POU2F3: variants seen among roughly 807,000 people sequenced by gnomAD.
POU2F3 encodes the protein POU domain, class 2, transcription factor 3.
Under a neutral mutation model 59.2 loss-of-function variants are expected in POU2F3, and 23 were observed. That is an observed-to-expected ratio of 0.39 (90% CI 0.28 to 0.55). The LOEUF (loss-of-function observed/expected upper bound fraction) is 0.55, where lower values mean the gene tolerates loss of function less well. Ranked by LOEUF, POU2F3 falls within the 20% of genes least tolerant of loss-of-function variation. The pLI is 0.66. For missense variants in POU2F3, 473 were observed against 544.5 expected, an observed-to-expected ratio of 0.87 and a Z score of 1.31; for synonymous variants, 190 against 214.6, an observed-to-expected ratio of 0.89 and a Z score of 1.00.
rs552542412 is a variant in POU2F3 at position 120,289,824 on chromosome 11, C to T, written c.133-8441C>T. Among the ~76,000 whole-genome samples the T allele has an allele frequency of 1.2e-4, 19 of 152,304 alleles. No homozygotes were observed. The South Asian group carries it at 2.7e-3, about 22-fold the overall frequency. On this transcript the variant is annotated intron_variant, in intron 3 of 12. Transcript: ENST00000543440. ...CTAGCTATTCTCCTCCCTGACAAAGCGAATGGCAGCCTTTTCTTTGCCACC... is the reference window on the plus strand; with the variant it reads ...CTAGCTATTCTCCTCCCTGACAAAGTGAATGGCAGCCTTTTCTTTGCCACC...
intron 3 of POU2F3, among the ~76,000 whole-genome samples, chr11:120,284,141 G>A (rs1443076432): frequency 6.6e-6 from 1 of 151,848 alleles, no homozygotes; most frequent in Non-Finnish European, 1.5e-5. Context: ...ATCTCACCAT[G>A]GCACTCCAGT....
intron 6 of POU2F3, chr11:120,304,330 C>CAAAAAAAAAAAAA (rs768088081): frequency 5.0e-5 from 6 of 120,494 alleles, no homozygotes; most frequent in East Asian, 3.0e-4. Context: ...GATCCTGATT[C>CAAAAAAAAAAAAA]AAAAAAAAAA....
chr11:120,282,616 A>C (rs1940616313), intron 3 of POU2F3, among the ~76,000 whole-genome samples: 1 of 152,192 alleles, frequency 6.6e-6, no homozygotes, highest in Admixed American at 6.5e-5. Context: ...AGATAGCACC[A>C]CTGCACTCCA....
At chr11:120,271,368 A>C (rs1940063216) in intron 3 of POU2F3, among the ~76,000 whole-genome samples, 1 of 152,254 alleles carries the variant, frequency 6.6e-6, no homozygotes, top group African/African-American at 2.4e-5. Context: ...GGTTTGCTTC[A>C]AGGGCAGGAA....
At chr11:120,275,908 C>T (rs1160773456) in intron 3 of POU2F3, among the ~76,000 whole-genome samples, 1 of 152,208 alleles carries the variant, frequency 6.6e-6, no homozygotes, top group Non-Finnish European at 1.5e-5. Flanking sequence ...TGTGACCAAC[C>T]AACTACCACG....
Position 120,285,678 on chromosome 11 carries a change from G to T in POU2F3, c.133-12587G>T, listed in dbSNP as rs1455107051. ...CCTTTTATCAGGGTAGCGTATATAT[G>T]TCTGGAAGACTTTTTCTCTGGATAT... On this transcript the variant is annotated intron_variant, in intron 3 of 12. Coordinates refer to ENST00000543440, the MANE Select transcript of POU2F3 (RefSeq NM_014352.4). This position sits in a 1 kb window ranked among gnomAD's most constrained non-coding sequence, Gnocchi z 4.3. 6.6e-6 allele frequency among the ~76,000 whole-genome samples: 1 copy of T among 152,192 alleles called. No individual in the cohort carries two copies. The highest frequency in any genetic ancestry group is 2.4e-5 in the African/African-American group (1 of 41,438).
chr11:120,279,221 C>T (rs1029882535), intron 3 of POU2F3, among the ~76,000 whole-genome samples: 1 of 151,714 alleles, frequency 6.6e-6, no homozygotes, highest in Admixed American at 6.6e-5. Flanking sequence ...GGGAGGAGGC[C>T]GTGTGATATG....
chr11:120,299,798 G>T, intron 5 of POU2F3, 72 bp downstream of exon 5: 3 of 1,341,690 alleles, frequency 2.2e-6, no homozygotes, highest in Non-Finnish European at 2.1e-6. Flanking sequence ...TTTTTGCTGG[G>T]TGAGGGGGCC....
intron 3 of POU2F3, among the ~76,000 whole-genome samples, chr11:120,293,093 G>C (rs1243548256): frequency 6.6e-6 from 1 of 152,142 alleles, no homozygotes; most frequent in Non-Finnish European, 1.5e-5. Flanking sequence ...AGCCTCCTAG[G>C]AGCCATATGT....
At chr11:120,260,320 A>AGG (rs35455056) in intron 2 of POU2F3, among the ~76,000 whole-genome samples, 1 of 152,104 alleles carries the variant, frequency 6.6e-6, no homozygotes, top group Non-Finnish European at 1.5e-5. Flanking sequence ...GGACCCTCCT[A>AGG]GGGGCCCCAC....
At chr11:120,272,588 A>G (rs574291060) in intron 3 of POU2F3, among the ~76,000 whole-genome samples, 23 of 152,344 alleles carry the variant, frequency 1.5e-4, no homozygotes, top group African/African-American at 5.5e-4. Flanking sequence ...GCAAGGCCCC[A>G]GGCCAGTTGG....
chr11:120,286,034 C>G (rs1231239120), intron 3 of POU2F3, among the ~76,000 whole-genome samples: 2 of 152,058 alleles, frequency 1.3e-5, no homozygotes, highest in Non-Finnish European at 2.9e-5. Context: ...AGGCGCCCAC[C>G]ACCATGCCCA....
chr11:120,283,372 G>A (rs987080980), intron 3 of POU2F3, among the ~76,000 whole-genome samples: 1 of 152,168 alleles, frequency 6.6e-6, no homozygotes, highest in African/African-American at 2.4e-5. Context: ...AGCAGCATCT[G>A]GGGTTTGTGA....
At chr11:120,275,304 G>A (rs1443971104) in intron 3 of POU2F3, among the ~76,000 whole-genome samples, 2 of 152,050 alleles carry the variant, frequency 1.3e-5, no homozygotes, top group African/African-American at 4.8e-5. Flanking sequence ...CCCCAGTGGA[G>A]GGCTCTTCTG....
At chr11:120,317,139 C>G (rs1591449728) in intron 11 of POU2F3, 90 bp from the exon 12 acceptor site, 1 of 1,503,556 alleles carries the variant, frequency 6.7e-7, no homozygotes, top group East Asian at 2.3e-5. Context: ...GGGGATACAC[C>G]AGGAAATTTG....
At chr11:120,298,551 G>A (rs983059199) in intron 4 of POU2F3, among the ~76,000 whole-genome samples, 161 bp downstream of exon 4, 3 of 152,158 alleles carry the variant, frequency 2.0e-5, no homozygotes, top group Non-Finnish European at 2.9e-5. Context: ...CCTCTTACAG[G>A]TGAAGCCTAG....
chr11:120,241,433 G>T (rs1938659941), intron 1 of POU2F3, among the ~76,000 whole-genome samples: 1 of 152,188 alleles, frequency 6.6e-6, no homozygotes, highest in Non-Finnish European at 1.5e-5. Flanking sequence ...GAGGGGACCT[G>T]GAGTGCCCAG....
At chr11:120,236,915 T>C (rs1938519003), upstream of POU2F3, among the ~76,000 whole-genome samples, 2 of 152,208 alleles carry the variant, frequency 1.3e-5, no homozygotes, top group South Asian at 4.2e-4. Context: ...AGCCATATGT[T>C]TGTTCTGTTT....
At chr11:120,274,646 T>G (rs1246713316) in intron 3 of POU2F3, among the ~76,000 whole-genome samples, 1 of 152,158 alleles carries the variant, frequency 6.6e-6, no homozygotes, top group Non-Finnish European at 1.5e-5. Context: ...GCCCAATGCA[T>G]GGCAAGAAAT....
Sources: gnomAD v4.1 joint callset for allele counts (sites outside exome capture counted in the v4.1 genomes callset) on GRCh38, gnomAD v4.1.1 for gene constraint, Gnocchi (gnomAD v3.1) non-coding constraint, MANE v1.5 for transcripts, NCBI Gene and HGNC (gene_info 2026-07-23, HGNC 2026-07-21) for gene names.